ESYT2: variants seen among roughly 807,000 people sequenced by gnomAD.
ESYT2 encodes the protein extended synaptotagmin 2.
Under a neutral mutation model 107.2 loss-of-function variants are expected in ESYT2, and 54 were observed. The observed-to-expected ratio is 0.50, with a 90% CI of 0.40 to 0.63. The LOEUF (loss-of-function observed/expected upper bound fraction) is 0.63, where lower values mean the gene tolerates loss of function less well. ESYT2 is among the 30% of genes least tolerant of loss of function. ESYT2 has a pLI of 0.00. For missense variants in ESYT2, 1,020 were observed against 1,094.5 expected (o/e 0.93, Z 0.96); for synonymous variants, 491 against 434.1 (o/e 1.13, Z -1.63).
intron 1 of ESYT2, among the ~76,000 whole-genome samples, chr7:158,807,007 T>C (rs968532614): frequency 6.6e-6 from 1 of 151,988 alleles, no homozygotes; most frequent in African/African-American, 2.4e-5. Context: ...ATACATAGTA[T>C]ATATAGTTTA....
intron 1 of ESYT2, among the ~76,000 whole-genome samples, chr7:158,808,452 T>C (rs533421051): frequency 6.6e-6 from 1 of 152,348 alleles, no homozygotes; most frequent in Admixed American, 6.5e-5. Context: ...CCAACAGTGA[T>C]GTTGGCCATT....
chr7:158,796,260 T>C (rs934520830), intron 3 of ESYT2, among the ~76,000 whole-genome samples: 1 of 152,222 alleles, frequency 6.6e-6, no homozygotes, highest in Non-Finnish European at 1.5e-5. Flanking sequence ...TAAACACTGA[T>C]TTAAAAATAG....
intron 6 of ESYT2, among the ~76,000 whole-genome samples, chr7:158,786,360 G>A (rs927863630): frequency 6.6e-6 from 1 of 152,098 alleles, no homozygotes; most frequent in Non-Finnish European, 1.5e-5. Flanking sequence ...AGATTACTGA[G>A]GTTTTTTTGG....
chr7:158,781,530 TGA>T (rs1211427065), intron 6 of ESYT2, among the ~76,000 whole-genome samples: 2 of 150,306 alleles, frequency 1.3e-5, no homozygotes, highest in Admixed American at 1.3e-4. Context: ...GTGAGAGGTG[TGA>T]GTGTAAGAAC....
intron 6 of ESYT2, among the ~76,000 whole-genome samples, chr7:158,780,864 G>A (rs949437476): frequency 4.6e-5 from 7 of 152,230 alleles, no homozygotes; most frequent in Non-Finnish European, 7.3e-5. Flanking sequence ...TGGTGAAGGA[G>A]CAAGAGCCAG....
rs1563612505 is a variant in ESYT2 at position 158,735,485 on chromosome 7, G to A, written c.2505+18C>T. The A allele has an allele frequency of 6.3e-7, 1 of 1,598,948 alleles. No individual in the cohort carries two copies. The highest frequency in any genetic ancestry group is 2.2e-5 in the East Asian group (1 of 44,784). On this transcript the variant is annotated intron_variant, in intron 21 of 22. Coordinates refer to ENST00000275418, the MANE Select transcript of ESYT2 (RefSeq NM_001367773.1). The stretch of plus-strand genomic sequence containing the variant: ...TTACAAACTGCAGGAACTGGTTGAG[G>A]ATTCGTTTGGCACTTACTTTGCCAA...
chr7:158,757,492 C>T (rs1837800131), intron 13 of ESYT2, among the ~76,000 whole-genome samples: 1 of 152,198 alleles, frequency 6.6e-6, no homozygotes, highest in Non-Finnish European at 1.5e-5. Flanking sequence ...TCAATGAGAG[C>T]ACCAGGAGCA....
At chr7:158,809,474 CAA>C (rs67422901) in intron 1 of ESYT2, among the ~76,000 whole-genome samples, 36 of 49,742 alleles carry the variant, frequency 7.2e-4, no homozygotes, top group South Asian at 5.1e-3. Context: ...GAATCCATCT[CAA>C]AAAAAAAAAA....
intron 1 of ESYT2, among the ~76,000 whole-genome samples, chr7:158,816,707 C>T (rs971583772): frequency 2.0e-5 from 3 of 152,214 alleles, no homozygotes; most frequent in East Asian, 3.8e-4. Flanking sequence ...CCAGTACTCA[C>T]GTTGACATCT....
At position 158,829,480 on chromosome 7, in the gene ESYT2, G is replaced by A. The variant is rs1241619765; in HGVS notation, c.-62C>T. 3.3e-6 allele frequency: 4 copies of A among 1,216,032 alleles called. No homozygotes were observed. Among genetic ancestry groups the A allele is most frequent in the Middle Eastern group, 3.2e-4 (1 of 3,080 alleles). 75.3% of individuals were successfully genotyped at this position (1,216,032 alleles called of 1,614,324 possible). A position where few individuals can be genotyped will look rare whatever the true frequency, so the allele number is the denominator to read the frequency against. On this transcript the variant is annotated 5_prime_UTR_variant, in exon 1 of 23. Coordinates refer to ENST00000275418, the MANE Select transcript of ESYT2 (RefSeq NM_001367773.1). Reference sequence around the variant, plus strand: ...GGGCTGGGTGCTCGCGCTGATCCCGGGCGGCTCAGCCCCGCGCCAGCGCCC... The same window carrying A: ...GGGCTGGGTGCTCGCGCTGATCCCGAGCGGCTCAGCCCCGCGCCAGCGCCC...
intron 1 of ESYT2, among the ~76,000 whole-genome samples, chr7:158,806,122 C>CGCGTGGGAGGCGCCGGGGCACACT (rs1839823673): frequency 2.5e-5 from 1 of 39,486 alleles, no homozygotes. Context: ...CGGGGCACAC[C>CGCGTGGGAGGCGCCGGGGCACACT]GCGTGGGAGG....
At chr7:158,748,053 G>C (rs539934599) in intron 16 of ESYT2, 141 bp downstream of exon 16, 3 of 700,072 alleles carry the variant, frequency 4.3e-6, no homozygotes, top group Non-Finnish European at 7.2e-6. Flanking sequence ...GGGGAGGCCC[G>C]GGTTACAGAG....
intron 1 of ESYT2, among the ~76,000 whole-genome samples, chr7:158,805,166 G>A (rs981437177): frequency 2.0e-5 from 3 of 152,092 alleles, no homozygotes; most frequent in Admixed American, 2.0e-4. Flanking sequence ...ATATAATTTG[G>A]TACCAACACA....
At chr7:158,822,982 C>T (rs1840328286) in intron 1 of ESYT2, among the ~76,000 whole-genome samples, 1 of 151,986 alleles carries the variant, frequency 6.6e-6, no homozygotes, top group Non-Finnish European at 1.5e-5. Flanking sequence ...TAACTGACCA[C>T]CTTTTCATCC....
Position 158,829,215 on chromosome 7 carries a change from C to G in ESYT2, c.204G>C (p.Ala68=). ...GGCTGCGGCGACACCAGGCGAGCAG[C>G]GCGAGCGCGAGGAGAACCCAGCTGA... ...LSFSWVLLAL[A]LLAWCRRSRG... The change falls in exon 1 of 23, where the codon GCG becomes GCC. Residue 68 remains alanine, a synonymous_variant. Coordinates refer to ENST00000275418, the MANE Select transcript of ESYT2 (RefSeq NM_001367773.1). The G allele has an allele frequency of 1.3e-6, 2 of 1,529,216 alleles. No homozygotes were observed. Among genetic ancestry groups the G allele is most frequent in the South Asian group, 2.4e-5 (2 of 83,882 alleles). The allele number at this position is 1,529,216 out of a possible 1,614,324, so 94.7% of individuals were successfully genotyped here.
chr7:158,756,829 A>C (rs1837771767), intron 13 of ESYT2, among the ~76,000 whole-genome samples: 1 of 151,366 alleles, frequency 6.6e-6, no homozygotes. Context: ...GAATCACTTG[A>C]ACATGGGAGG....
chr7:158,735,495 G>C lies in ESYT2; in HGVS notation c.2505+8C>G. On this transcript the variant is annotated splice_region_variant and intron_variant, in intron 21 of 22. Coordinates refer to ENST00000275418, the MANE Select transcript of ESYT2 (RefSeq NM_001367773.1). ...CAGGAACTGGTTGAGGATTCGTTTGGCACTTACTTTGCCAAGGAGCCCTTT... is the reference window on the plus strand; with the variant it reads ...CAGGAACTGGTTGAGGATTCGTTTGCCACTTACTTTGCCAAGGAGCCCTTT... 1 of 1,610,178 alleles carries C rather than the reference G, an allele frequency of 6.2e-7. No homozygotes were observed. The highest frequency in any genetic ancestry group is 8.5e-7 in the Non-Finnish European group (1 of 1,176,550).
chr7:158,798,131 C>T lies in ESYT2; in HGVS notation c.373-55G>A, dbSNP rs1291773635. ...AAAATGCTATATAATGCATGACACA[C>T]ACGAGTGCTCGTGAGAAACCCTCGC... On this transcript the variant is annotated intron_variant, in intron 2 of 22. Coordinates refer to ENST00000275418, the MANE Select transcript of ESYT2 (RefSeq NM_001367773.1). 1.9e-6 allele frequency: 3 copies of T among 1,591,458 alleles called. No homozygotes were observed. The Admixed American group carries it at 5.2e-5, about 27-fold the overall frequency.
intron 14 of ESYT2, among the ~76,000 whole-genome samples, chr7:158,750,065 T>C (rs935305950): frequency 6.6e-6 from 1 of 152,186 alleles, no homozygotes; most frequent in Non-Finnish European, 1.5e-5. Flanking sequence ...GTGCAATTAA[T>C]GAAAACCAAA....
Sources: allele counts gnomAD v4.1 joint callset (sites outside exome capture counted in the v4.1 genomes callset), GRCh38; gene constraint gnomAD v4.1.1; transcripts MANE v1.5; gene names NCBI Gene and HGNC (gene_info 2026-07-23, HGNC 2026-07-21).